Variants in ZNF230 observed in about 807,000 individuals in gnomAD.
ZNF230 encodes zinc finger protein FDZF2.
In ZNF230, 12 loss-of-function variants were observed where a neutral mutation model predicts 10.0. The ratio of observed to expected loss-of-function variants is 1.20; its 90% CI spans 0.77 to 1.95. The LOEUF is 1.95. Ranked by LOEUF, ZNF230 falls within the 30% of genes most tolerant of loss-of-function variation. The pLI is 0.00. For missense variants in ZNF230, 532 were observed against 565.8 expected, an observed-to-expected ratio of 0.94 and a Z score of 0.61; for synonymous variants, 174 against 193.6, an observed-to-expected ratio of 0.90 and a Z score of 0.84.
chr19:44,010,356 C>T lies in ZNF230; in HGVS notation c.317C>T (p.Ser106Phe). The T allele has an allele frequency of 6.2e-7, 1 of 1,614,220 alleles. No individual in the cohort carries two copies. The highest frequency in any genetic ancestry group is 8.5e-7 in the Non-Finnish European group (1 of 1,180,024). The change falls in exon 5 of 5, where the codon TCT (serine) becomes TTT (phenylalanine). Residue 106 changes from serine to phenylalanine, a missense_variant. Transcript: ENST00000429154. The part of the protein sequence containing the change: ...WEQTASDLTQ[S>F]QDSIINNSHF... ...CAAACTGCAAGTGACTTAACCCAGT[C>T]TCAAGACTCCATCATAAATAATTCT... is the stretch of plus-strand genomic sequence containing the variant.
chr19:44,011,393 G>T lies in ZNF230; in HGVS notation c.1354G>T (p.Asp452Tyr). 1 of 1,613,762 alleles carries T rather than the reference G, an allele frequency of 6.2e-7. No individual in the cohort carries two copies. Among genetic ancestry groups the T allele is most frequent in the Non-Finnish European group, 8.5e-7 (1 of 1,179,922 alleles). ...HNGENSSKCEDCGKRYKRRLN... is the reference protein window; with the variant it reads ...HNGENSSKCEYCGKRYKRRLN... ...TGGAGAAAACTCATCCAAATGTGAG[G>T]ACTGTGGGAAGCGCTACAAGAGGCG... Residue 452 changes from aspartate (D) to tyrosine (Y), a missense_variant, in exon 5 of 5, where the codon GAC becomes TAC. By Grantham distance (160) the Asp-to-Tyr change is radical. Transcript: ENST00000429154.
chr19:44,012,770 AC>A lies in ZNF230; in HGVS notation c.*1307del, dbSNP rs1976200215. ...AAATTGCATCTAGGAGAGAAAATCT[AC>A]AAAAAATAATTCAGGGACACGAGTT... On this transcript the variant is annotated 3_prime_UTR_variant, in exon 5 of 5. Coordinates refer to ENST00000429154, the MANE Select transcript of ZNF230 (RefSeq NM_006300.4). 5.0e-6 allele frequency: 1 copy of A among 201,292 alleles called. No individual in the cohort carries two copies. The highest frequency in any genetic ancestry group is 7.2e-5 in the South Asian group (1 of 13,904). 12.5% of individuals were successfully genotyped at this position (201,292 alleles called of 1,614,324 possible).
chr19:44,011,368 T>G lies in ZNF230; in HGVS notation c.1329T>G (p.Asn443Lys), dbSNP rs1241496040. The change falls in exon 5 of 5, where the codon AAT becomes AAG. Residue 443 changes from asparagine (N) to lysine (K), a missense_variant. By Grantham distance (94) the Asn-to-Lys change is moderately conservative. Coordinates refer to ENST00000429154, the MANE Select transcript of ZNF230 (RefSeq NM_006300.4). ...GTAAAGACCAACAAGGAGACCACAA[T>G]GGAGAAAACTCATCCAAATGTGAGG... ...SFCKDQQGDHNGENSSKCEDC... is the reference protein window; with the variant it reads ...SFCKDQQGDHKGENSSKCEDC... The G allele has an allele frequency of 6.2e-7, 1 of 1,614,066 alleles. No homozygotes were observed. Among genetic ancestry groups the G allele is most frequent in the Non-Finnish European group, 8.5e-7 (1 of 1,179,934 alleles).
At position 44,007,027 on chromosome 19, in the gene ZNF230, C is replaced by G; in HGVS notation, c.-52C>G. 1 of 1,513,768 alleles carries G rather than the reference C, an allele frequency of 6.6e-7. No individual in the cohort carries two copies. The highest frequency in any genetic ancestry group is 1.7e-4 in the Middle Eastern group (1 of 5,814). The allele number at this position is 1,513,768 out of a possible 1,614,324, so 93.8% of individuals were successfully genotyped here. A position where few individuals can be genotyped will look rare whatever the true frequency, so the allele number is the denominator to read the frequency against. ...ATTTTCCAGGCACAATTCCACCTTC[C>G]TTTGTGCTCCATTACTCAAGACACT... On this transcript the variant is annotated 5_prime_UTR_variant, in exon 2 of 5. Coordinates refer to ENST00000429154, the MANE Select transcript of ZNF230 (RefSeq NM_006300.4).
Position 44,010,786 on chromosome 19 carries a change from G to C in ZNF230, c.747G>C (p.Glu249Asp). Residue 249 changes from glutamate (E) to aspartate (D), a missense_variant, in exon 5 of 5, where the codon GAG becomes GAC. Transcript: ENST00000429154. ...LQVHCKLHTG[E>D]KPYICEKCGR... ...TTCACTGCAAATTACACACAGGAGAGAAACCTTATATTTGTGAGAAATGTG... is the reference window on the plus strand; with the variant it reads ...TTCACTGCAAATTACACACAGGAGACAAACCTTATATTTGTGAGAAATGTG... 1 of 1,614,214 alleles carries C rather than the reference G, an allele frequency of 6.2e-7. No individual in the cohort carries two copies. Among genetic ancestry groups the C allele is most frequent in the South Asian group, 1.1e-5 (1 of 91,092 alleles).
Position 44,011,306 on chromosome 19 carries a change from G to A in ZNF230, c.1267G>A (p.Glu423Lys), listed in dbSNP as rs765138286. The change falls in exon 5 of 5, where the codon GAG becomes AAG. Residue 423 changes from glutamate (E) to lysine (K), a missense_variant. By Grantham distance (56) the Glu-to-Lys change is moderately conservative. Transcript: ENST00000429154. ...LHCRKKPFKCEDCGKRLVHRS... is the reference protein window; with the variant it reads ...LHCRKKPFKCKDCGKRLVHRS... ...CTGCCGGAAAAAACCCTTCAAATGTGAGGATTGTGGAAAGAGGCTTGTACA... is the reference window on the plus strand; with the variant it reads ...CTGCCGGAAAAAACCCTTCAAATGTAAGGATTGTGGAAAGAGGCTTGTACA... 4 of 1,614,138 alleles carry A rather than the reference G, an allele frequency of 2.5e-6. No homozygotes were observed. In the South Asian group the frequency reaches 4.4e-5, roughly 18 times the overall value.
chr19:44,008,170 T>C (rs1599852145), intron 2 of ZNF230, among the ~76,000 whole-genome samples: 1 of 152,130 alleles, frequency 6.6e-6, no homozygotes, highest in African/African-American at 2.4e-5. Context: ...CATGACTTAC[T>C]GAGCAGTTCC....
chr19:44,008,309 A>C (rs1976140793), intron 2 of ZNF230, among the ~76,000 whole-genome samples: 1 of 152,222 alleles, frequency 6.6e-6, no homozygotes, highest in African/African-American at 2.4e-5. Flanking sequence ...TATTCTTGAG[A>C]CCTATAAACA....
At chr19:44,007,129 C>A in intron 2 of ZNF230, 36 bp downstream of exon 2, 1 of 1,593,178 alleles carries the variant, frequency 6.3e-7, no homozygotes, top group South Asian at 1.1e-5. Flanking sequence ...ATTAAAATTC[C>A]ATCTTATTGC....
At chr19:44,009,852 G>A (rs970679504) in intron 4 of ZNF230, among the ~76,000 whole-genome samples, 6 of 151,852 alleles carry the variant, frequency 4.0e-5, no homozygotes, top group Non-Finnish European at 7.4e-5. Flanking sequence ...TTTTACTTAG[G>A]GTAACTTCTA....
Position 44,012,619 on chromosome 19 carries a change from G to T in ZNF230, c.*1155G>T, listed in dbSNP as rs1976198463. Reference sequence around the variant, plus strand: ...AACCCTAATGATGAACATGTCAAAAGTGGTGACCACTAGAATGTCAACTAC... The same window carrying T: ...AACCCTAATGATGAACATGTCAAAATTGGTGACCACTAGAATGTCAACTAC... On this transcript the variant is annotated 3_prime_UTR_variant, in exon 5 of 5. Transcript: ENST00000429154. 2.5e-6 allele frequency: 1 copy of T among 400,722 alleles called. No individual in the cohort carries two copies. The highest frequency in any genetic ancestry group is 1.9e-5 in the South Asian group (1 of 52,520). 24.8% of individuals were successfully genotyped at this position (400,722 alleles called of 1,614,324 possible). A position where few individuals can be genotyped will look rare whatever the true frequency, so the allele number is the denominator to read the frequency against.
At chr19:44,009,029 C>T in intron 3 of ZNF230, 55 bp from the exon 4 acceptor site, 4 of 1,605,580 alleles carry the variant, frequency 2.5e-6, no homozygotes, top group East Asian at 2.2e-5. Context: ...TAAATTTTAC[C>T]TTGATATTAC....
Position 44,010,978 on chromosome 19 carries a change from T to C in ZNF230, c.939T>C (p.Cys313=). ...AGAAACTGTACAAATCTGAGGAGTGTGGAAAAGGCTTCACTGATAGCCTAG... is the reference window on the plus strand; with the variant it reads ...AGAAACTGTACAAATCTGAGGAGTGCGGAAAAGGCTTCACTGATAGCCTAG... The part of the protein sequence containing the change: ...TAEKLYKSEE[C]GKGFTDSLDL... Residue 313 remains cysteine (C), a synonymous_variant, in exon 5 of 5, where the codon TGT becomes TGC. Coordinates refer to ENST00000429154, the MANE Select transcript of ZNF230 (RefSeq NM_006300.4). 1 of 1,614,152 alleles carries C rather than the reference T, an allele frequency of 6.2e-7. No homozygotes were observed. The highest frequency in any genetic ancestry group is 1.1e-5 in the South Asian group (1 of 91,076).
At chr19:44,009,058 A>G (rs2049987201) in intron 3 of ZNF230, 26 bp from the exon 4 acceptor site, 1 of 1,612,690 alleles carries the variant, frequency 6.2e-7, no homozygotes, top group South Asian at 1.1e-5. Flanking sequence ...AATTGGTATT[A>G]AGCACATGAC....
At position 44,010,418 on chromosome 19, in the gene ZNF230, G is replaced by A; in HGVS notation, c.379G>A (p.Glu127Lys). Residue 127 changes from glutamate to lysine, a missense_variant, in exon 5 of 5, where the codon GAG (glutamate) becomes AAG (lysine). Physicochemically the swap from Glu to Lys is moderately conservative, Grantham distance 56 (BLOSUM62 1). Coordinates refer to ENST00000429154, the MANE Select transcript of ZNF230 (RefSeq NM_006300.4). The stretch of plus-strand genomic sequence containing the variant: ...ACAAGGTGATGTCCCCTCCCAGGTT[G>A]AGGCAGGACTATCTATAATTCATAC... Reference protein sequence around the residue: ...FEQGDVPSQVEAGLSIIHTGQ... With the variant: ...FEQGDVPSQVKAGLSIIHTGQ... 6.2e-7 allele frequency: 1 copy of A among 1,614,246 alleles called. No homozygotes were observed. The highest frequency in any genetic ancestry group is 1.3e-5 in the African/African-American group (1 of 75,068).
intron 1 of ZNF230, among the ~76,000 whole-genome samples, chr19:44,005,759 T>A (rs1302716846): frequency 1.3e-5 from 2 of 152,088 alleles, no homozygotes; most frequent in Non-Finnish European, 2.9e-5. Context: ...TGTGGTGGCA[T>A]GCTCCTGTAA....
chr19:44,003,634 A>T (rs530132565), intron 1 of ZNF230: 1 of 194,076 alleles, frequency 5.2e-6, no homozygotes, highest in East Asian at 1.2e-4. Context: ...TTTAACTTTT[A>T]TGGGGGACCG....
In ZNF230 at chr19:44,010,707, C is replaced by G. The variant is rs147553354; in HGVS notation, c.668C>G (p.Pro223Arg). The G allele has an allele frequency of 9.3e-6, 15 of 1,614,096 alleles. No homozygotes were observed. Among genetic ancestry groups the G allele is most frequent in the Non-Finnish European group, 1.1e-5 (13 of 1,180,038 alleles). ...TRERVHTGEK[P>R]FKCEQCGKGF... ...GAGAGAGTCCACACTGGAGAGAAAC[C>G]ATTCAAATGTGAGCAATGTGGGAAA... is the stretch of plus-strand genomic sequence containing the variant. Residue 223 changes from proline to arginine, a missense_variant, in exon 5 of 5, where the codon CCA (proline) becomes CGA (arginine). By Grantham distance (103) the Pro-to-Arg change is moderately radical. Coordinates refer to ENST00000429154, the MANE Select transcript of ZNF230 (RefSeq NM_006300.4).
At chr19:44,007,483 A>T in intron 2 of ZNF230, among the ~76,000 whole-genome samples, 1 of 152,198 alleles carries the variant, frequency 6.6e-6, no homozygotes, top group East Asian at 1.9e-4. Flanking sequence ...GGTTTTCTTC[A>T]TACTTGTCCA....
Sources: allele counts gnomAD v4.1 joint callset (sites outside exome capture counted in the v4.1 genomes callset), GRCh38; gene constraint gnomAD v4.1.1; transcripts MANE v1.5; gene names NCBI Gene and HGNC (gene_info 2026-07-23, HGNC 2026-07-21).